TNFAIP8: variants seen among roughly 807,000 people sequenced by gnomAD.
The protein encoded by TNFAIP8 is TNF alpha induced protein 8, also known as tumor necrosis factor alpha-induced protein 8.
A neutral mutation model predicts 13.3 loss-of-function variants in TNFAIP8; 7 were observed. The observed-to-expected ratio is 0.52, with a 90% confidence interval of 0.30 to 0.99. The LOEUF (loss-of-function observed/expected upper bound fraction) is 0.99. Ranked by LOEUF, TNFAIP8 falls within the 50% of genes least tolerant of loss-of-function variation. TNFAIP8 has a pLI of 0.07. For missense variants in TNFAIP8, 258 were observed against 236.9 expected (o/e 1.09, Z -0.58); for synonymous variants, 94 against 87.6 (o/e 1.07, Z -0.41).
intron 1 of TNFAIP8, among the ~76,000 whole-genome samples, chr5:119,290,053 A>T (rs1748933095): frequency 6.6e-6 from 1 of 152,266 alleles, no homozygotes; most frequent in African/African-American, 2.4e-5. Context: ...GAGTTGAAAA[A>T]TGTTAAAGAA....
intron 1 of TNFAIP8, among the ~76,000 whole-genome samples, chr5:119,297,220 C>G (rs1046975465): frequency 6.6e-6 from 1 of 152,066 alleles, no homozygotes; most frequent in Non-Finnish European, 1.5e-5. Context: ...TTGGATCTTT[C>G]CTGCTTTCTC....
intron 1 of TNFAIP8, among the ~76,000 whole-genome samples, chr5:119,271,563 G>A (rs1467183605): frequency 1.3e-5 from 2 of 152,228 alleles, no homozygotes; most frequent in Admixed American, 1.3e-4. Context: ...GACGGGAGAA[G>A]CAGTGATGAT....
chr5:119,272,726 G>C (rs1316424846), intron 1 of TNFAIP8, among the ~76,000 whole-genome samples: 1 of 152,204 alleles, frequency 6.6e-6, no homozygotes, highest in Non-Finnish European at 1.5e-5. Context: ...CTGGAAGCAA[G>C]TGTTTATGGT....
rs187161053 is a variant in TNFAIP8, at chr5:119,270,196, A to G, written c.1+1289A>G. On this transcript the variant is annotated intron_variant, in intron 1 of 1. Coordinates refer to the TNFAIP8 transcript ENST00000274456. ...CATGAAAGGTAAGAGTTGATAAATCACTGTAAGTGCTGCTTATCGCAGCCG... is the reference window on the plus strand; with the variant it reads ...CATGAAAGGTAAGAGTTGATAAATCGCTGTAAGTGCTGCTTATCGCAGCCG... 1.5e-3 allele frequency among the ~76,000 whole-genome samples: 235 copies of G among 152,358 alleles called. 2 individuals are homozygous for G. Among genetic ancestry groups the G allele is most frequent in the African/African-American group, 5.5e-3 (227 of 41,572 alleles).
At chr5:119,300,381 C>T (rs1023922627) in intron 1 of TNFAIP8, among the ~76,000 whole-genome samples, 1 of 152,182 alleles carries the variant, frequency 6.6e-6, no homozygotes, top group Non-Finnish European at 1.5e-5. Flanking sequence ...GGTAAAATTA[C>T]AATGAGCTTT....
chr5:119,360,255 A>G (rs1034234019), intron 1 of TNFAIP8, among the ~76,000 whole-genome samples: 1 of 152,176 alleles, frequency 6.6e-6, no homozygotes. Flanking sequence ...AGAGCCAGAA[A>G]AACTCAGGAC....
chr5:119,274,636 A>G (rs1358716632), intron 1 of TNFAIP8, among the ~76,000 whole-genome samples: 1 of 152,194 alleles, frequency 6.6e-6, no homozygotes, highest in African/African-American at 2.4e-5. Flanking sequence ...ACAGGCTGCT[A>G]TTACTTTTCA....
intron 1 of TNFAIP8, among the ~76,000 whole-genome samples, chr5:119,322,467 C>T (rs543849859): frequency 2.0e-5 from 3 of 152,246 alleles, no homozygotes; most frequent in African/African-American, 7.2e-5. Flanking sequence ...CATTTGGCCC[C>T]CTGCTGTTTA....
intron 1 of TNFAIP8, among the ~76,000 whole-genome samples, chr5:119,312,489 A>G (rs1749760278): frequency 6.6e-6 from 1 of 152,210 alleles, no homozygotes; most frequent in African/African-American, 2.4e-5. Context: ...GAGTTATTTC[A>G]GTGGGAAGTA....
intron 1 of TNFAIP8, among the ~76,000 whole-genome samples, chr5:119,304,073 G>C (rs542028250): frequency 6.6e-6 from 1 of 152,000 alleles, no homozygotes; most frequent in Non-Finnish European, 1.5e-5. Context: ...TCCCCAGCTT[G>C]AAATTCTTTC....
intron 1 of TNFAIP8, among the ~76,000 whole-genome samples, chr5:119,300,345 C>G (rs1367736279): frequency 6.6e-6 from 1 of 152,206 alleles, no homozygotes; most frequent in Non-Finnish European, 1.5e-5. Context: ...AGCGTATTCT[C>G]TTTAAGTGTG....
chr5:119,292,848 C>T (rs373715864), intron 1 of TNFAIP8, among the ~76,000 whole-genome samples: 4 of 151,308 alleles, frequency 2.6e-5, no homozygotes, highest in Non-Finnish European at 5.9e-5. Flanking sequence ...CTGGAAAAGG[C>T]GAATCTGTAA....
At position 119,392,932 on chromosome 5, in the gene TNFAIP8, G is replaced by C; in HGVS notation, c.148G>C (p.Val50Leu). 9.3e-6 allele frequency: 15 copies of C among 1,607,938 alleles called. No homozygotes were observed. The highest frequency in any genetic ancestry group is 1.3e-5 in the Non-Finnish European group (15 of 1,177,172). The part of the protein sequence containing the change: ...TTLIDDTSSE[V>L]LDELYRVTRE... ...CTTAATAGACGACACAAGTAGTGAG[G>C]TGCTGGATGAGCTCTACAGAGTGAC... Residue 50 changes from valine (V) to leucine (L), a missense_variant, in exon 2 of 2, where the codon GTG (valine) becomes CTG (leucine). Transcript: ENST00000504771.
chr5:119,314,344 A>G (rs1249364613), intron 1 of TNFAIP8, among the ~76,000 whole-genome samples: 1 of 152,246 alleles, frequency 6.6e-6, no homozygotes, highest in African/African-American at 2.4e-5. Flanking sequence ...CTTGGAACTT[A>G]CAAACTAGTG....
intron 1 of TNFAIP8, among the ~76,000 whole-genome samples, chr5:119,378,936 C>T (rs752126977): frequency 9.2e-5 from 14 of 152,136 alleles, no homozygotes; most frequent in South Asian, 4.2e-4. Context: ...TGGTGGTGTG[C>T]GCCTGTAATC....
chr5:119,292,956 T>A (rs60599743), intron 1 of TNFAIP8, among the ~76,000 whole-genome samples: 22,057 of 151,368 alleles, frequency 0.15, 3,075 homozygotes, highest in African/African-American at 0.37. Context: ...TTCTTTTTTT[T>A]AAAAAAATAG....
intron 1 of TNFAIP8, among the ~76,000 whole-genome samples, chr5:119,358,113 TTC>T (rs1751503318): frequency 1.3e-5 from 2 of 151,824 alleles, no homozygotes; most frequent in Non-Finnish European, 2.9e-5. Flanking sequence ...TTTTTTTTTT[TTC>T]ATCCTGGTGA....
intron 1 of TNFAIP8, among the ~76,000 whole-genome samples, chr5:119,300,309 CT>C (rs1749346115): frequency 6.6e-6 from 1 of 152,208 alleles, no homozygotes; most frequent in Non-Finnish European, 1.5e-5. Flanking sequence ...TAATCACATC[CT>C]CAGAAAGAAG....
intron 1 of TNFAIP8, among the ~76,000 whole-genome samples, chr5:119,276,515 T>G (rs1447544267): frequency 6.6e-6 from 1 of 152,196 alleles, no homozygotes; most frequent in Non-Finnish European, 1.5e-5. Context: ...TACCACAGAC[T>G]GGTGGCTTAA....
Sources: gnomAD v4.1 joint callset for allele counts (sites outside exome capture counted in the v4.1 genomes callset) on GRCh38, gnomAD v4.1.1 for gene constraint, MANE v1.5 for transcripts, NCBI Gene and HGNC (gene_info 2026-07-23, HGNC 2026-07-21) for gene names.